The following AFF2 variants were observed in gnomAD, a reference collection of about 807,000 sequenced individuals.
AFF2 encodes ALF transcription elongation factor 2.
AFF2 carries 14 observed loss-of-function variants against 76.9 expected under a neutral mutation model. The ratio of observed to expected loss-of-function variants is 0.18; its 90% confidence interval spans 0.12 to 0.28. AFF2 has a LOEUF of 0.28. Among genes scored for constraint, AFF2 ranks in the 10% least tolerant of loss-of-function variants. AFF2 has a pLI of 1.00. For synonymous variants in AFF2, 398 were observed against 366.7 expected, an observed-to-expected ratio of 1.09 and a Z score of -0.98; for missense variants, 868 against 1,001.1, an observed-to-expected ratio of 0.87 and a Z score of 1.79.
chrX:148,551,198 C>T (rs891529218), intron 1 of AFF2, among the ~76,000 whole-genome samples: 2 of 110,355 alleles, frequency 1.8e-5, no homozygotes, highest in East Asian at 2.9e-4. Flanking sequence ...CCCTACACTA[C>T]TCTCTTCTCT....
intron 1 of AFF2, among the ~76,000 whole-genome samples, chrX:148,565,438 A>T (rs1301374597): frequency 9.0e-6 from 1 of 111,644 alleles, no homozygotes; most frequent in Admixed American, 9.6e-5. Context: ...AGCTAGAAAA[A>T]TTTTAAGGTC....
At chrX:148,783,784 C>A (rs1382936852) in intron 3 of AFF2, among the ~76,000 whole-genome samples, 2 of 111,699 alleles carry the variant, frequency 1.8e-5, no homozygotes, top group Admixed American at 1.9e-4. Flanking sequence ...CTTCAGATAG[C>A]TAACAAATGA....
intron 9 of AFF2, among the ~76,000 whole-genome samples, chrX:148,940,223 A>T (rs1266343337): frequency 1.8e-5 from 2 of 111,673 alleles, no homozygotes; most frequent in Non-Finnish European, 3.8e-5. Context: ...TTTGTTTTGG[A>T]CATTTAAACC....
chrX:148,973,529 G>A lies in AFF2; in HGVS notation c.3326G>A (p.Cys1109Tyr). 1 of 1,211,657 alleles carries A rather than the reference G, an allele frequency of 8.3e-7. No individual in the cohort carries two copies. Among genetic ancestry groups the A allele is most frequent in the Non-Finnish European group, 1.1e-6 (1 of 895,275 alleles). Residue 1109 changes from cysteine (C) to tyrosine (Y), a missense_variant, in exon 16 of 21, where the codon TGT becomes TAT. Cys to Tyr is a radical substitution (Grantham distance 194). Around this residue, in one of 6 missense-constraint regions of AFF2, gnomAD observed 57 missense variants for 117.8 expected, o/e 0.48. Coordinates refer to ENST00000370460, the MANE Select transcript of AFF2 (RefSeq NM_002025.4). ...YADAALSFTECGNAMERDPLE... is the reference protein window; with the variant it reads ...YADAALSFTEYGNAMERDPLE... ...GATGCCGCCCTCTCCTTCACTGAAT[G>A]TGGCAATGCCATGGAACGCGACCCT...
Position 148,886,094 on chromosome X carries a change from G to A in AFF2, c.1359+109G>A, listed in dbSNP as rs2071156611. On this transcript the variant is annotated intron_variant, in intron 8 of 20. Transcript: ENST00000370460. ...AAACTTCCCCATGCTTTATCTCTGGGCTTTGGAGAGAGGGAAAGAAGCAAA... is the reference window on the plus strand; with the variant it reads ...AAACTTCCCCATGCTTTATCTCTGGACTTTGGAGAGAGGGAAAGAAGCAAA... 8 of 594,234 alleles carry A rather than the reference G, an allele frequency of 1.3e-5. No homozygotes were observed. The East Asian group carries it at 2.3e-4, about 17-fold the overall frequency. 49.0% of individuals were successfully genotyped at this position (594,234 alleles called of 1,213,427 possible). A position where few individuals can be genotyped will look rare whatever the true frequency, so the allele number is the denominator to read the frequency against.
At position 148,657,886 on chromosome X, in the gene AFF2, G is replaced by T. The variant is rs150526200; in HGVS notation, c.181-4022G>T. Among the ~76,000 whole-genome samples, 550 of 112,377 alleles carry T rather than the reference G, an allele frequency of 4.9e-3. 2 individuals carry two copies. The highest frequency in any genetic ancestry group is 0.016 in the African/African-American group (485 of 30,959). On this transcript the variant is annotated intron_variant, in intron 2 of 20. Transcript: ENST00000370460. ...TCCTTAATAGGATTACTAAGACTCT[G>T]GAGGGTGAAAAAGAACATTTAGTAT...
chrX:148,787,215 G>A (rs1011525982), intron 3 of AFF2, among the ~76,000 whole-genome samples: 2 of 111,082 alleles, frequency 1.8e-5, no homozygotes, highest in Non-Finnish European at 3.8e-5. Flanking sequence ...TACCTAGTCC[G>A]TGTGTAATGG....
At chrX:148,935,240 T>C (rs2071760246) in intron 9 of AFF2, among the ~76,000 whole-genome samples, 1 of 110,550 alleles carries the variant, frequency 9.0e-6, no homozygotes, top group African/African-American at 3.3e-5. Context: ...ATGCATGATG[T>C]CCTAATAACT....
At chrX:148,538,536 G>A (rs2052813730) in intron 1 of AFF2, among the ~76,000 whole-genome samples, 1 of 112,665 alleles carries the variant, frequency 8.9e-6, no homozygotes, top group Non-Finnish European at 1.9e-5. Flanking sequence ...ATCTGGCGAA[G>A]CACTGACTAA....
chrX:148,534,952 A>T (rs1249687762), intron 1 of AFF2, among the ~76,000 whole-genome samples: 3 of 111,784 alleles, frequency 2.7e-5, no homozygotes, highest in African/African-American at 9.8e-5. Context: ...GAGCTGTCGT[A>T]TAAGGAAATG....
At chrX:148,604,610 A>T (rs183949158) in intron 1 of AFF2, among the ~76,000 whole-genome samples, 1 of 112,362 alleles carries the variant, frequency 8.9e-6, no homozygotes, top group Non-Finnish European at 1.9e-5. Flanking sequence ...AAAAAGGAAA[A>T]TAAAACACTA....
chrX:148,570,134 A>G (rs1329465073), intron 1 of AFF2, among the ~76,000 whole-genome samples: 1 of 112,243 alleles, frequency 8.9e-6, no homozygotes, highest in Non-Finnish European at 1.9e-5. Context: ...TGTAATCTCC[A>G]AACAGTCATT....
intron 9 of AFF2, among the ~76,000 whole-genome samples, chrX:148,943,276 A>C (rs2071862550): frequency 8.9e-6 from 1 of 112,700 alleles, no homozygotes; most frequent in South Asian, 3.7e-4. Context: ...TTTATTTCAG[A>C]AATTGCGTAT....
Position 148,956,180 on chromosome X carries a change from A to G in AFF2, c.2135A>G (p.Glu712Gly). Reference protein sequence around the residue: ...KIVPKSREFIETDSSTSDSNT... With the variant: ...KIVPKSREFIGTDSSTSDSNT... ...GTGCCAAAGTCTCGGGAATTCATTG[A>G]AACAGATTCATCTACATCTGACTCC... Residue 712 changes from glutamate (E) to glycine (G), a missense_variant, in exon 11 of 21, where the codon GAA (glutamate) becomes GGA (glycine). Physicochemically the swap from Glu to Gly is moderately conservative, Grantham distance 98. Transcript: ENST00000370460. The G allele has an allele frequency of 8.3e-7, 1 of 1,211,138 alleles. No homozygotes were observed. The highest frequency in any genetic ancestry group is 1.1e-6 in the Non-Finnish European group (1 of 895,344).
intron 3 of AFF2, among the ~76,000 whole-genome samples, chrX:148,763,096 CA>C (rs1431291516): frequency 8.9e-6 from 1 of 111,849 alleles, no homozygotes; most frequent in Non-Finnish European, 1.9e-5. Context: ...ATATTGATTT[CA>C]AAAATCTTTT....
At chrX:148,985,536 T>C (rs2072461131) in intron 19 of AFF2, among the ~76,000 whole-genome samples, 1 of 109,799 alleles carries the variant, frequency 9.1e-6, no homozygotes, top group Admixed American at 9.8e-5. Context: ...GAGAAAGTCT[T>C]TCTTTCTTGC....
chrX:148,891,248 A>G (rs1358799865), intron 8 of AFF2, among the ~76,000 whole-genome samples: 1 of 111,052 alleles, frequency 9.0e-6, no homozygotes, highest in Non-Finnish European at 1.9e-5. Context: ...GCCCTGCCTC[A>G]TACCACTAAA....
At position 148,742,006 on chromosome X, in the gene AFF2, G is replaced by A. The variant is rs181327307; in HGVS notation, c.1042-67870G>A. Among the ~76,000 whole-genome samples, 30 of 111,797 alleles carry A rather than the reference G, an allele frequency of 2.7e-4. 1 individual carries two copies. Among genetic ancestry groups the A allele is most frequent in the African/African-American group, 7.8e-4 (24 of 30,796 alleles). Reference sequence around the variant, plus strand: ...ACTCACAGTATTTGGGGTGTCTCCCGGGTCCTGCAGGAGCAGTCTCCTTCC... The same window carrying A: ...ACTCACAGTATTTGGGGTGTCTCCCAGGTCCTGCAGGAGCAGTCTCCTTCC... On this transcript the variant is annotated intron_variant, in intron 3 of 20. Transcript: ENST00000370460.
intron 1 of AFF2, among the ~76,000 whole-genome samples, chrX:148,596,962 C>T (rs2053578920): frequency 8.9e-6 from 1 of 111,846 alleles, no homozygotes; most frequent in Non-Finnish European, 1.9e-5. Context: ...GTTAACACTT[C>T]CTGTCTGTCT....
Sources: allele counts gnomAD v4.1 joint callset (sites outside exome capture counted in the v4.1 genomes callset), GRCh38; gene constraint gnomAD v4.1.1; regional missense constraint gnomAD v4.1.1; transcripts MANE v1.5; gene names NCBI Gene and HGNC (gene_info 2026-07-23, HGNC 2026-07-21).